DRAM1: variants seen among roughly 807,000 people sequenced by gnomAD.
The protein encoded by DRAM1 is DNA damage-regulated autophagy modulator protein 1.
DRAM1 carries 25 observed loss-of-function variants against 28.5 expected under a neutral mutation model. The ratio of observed to expected loss-of-function variants is 0.88; its 90% CI spans 0.64 to 1.23. The LOEUF is 1.23. DRAM1 is among the 50% of genes most tolerant of loss of function. The probability of loss-of-function intolerance (pLI) is 0.00; values close to 1 mark genes in which losing one functional copy is unlikely to be tolerated. For synonymous variants in DRAM1, 113 were observed against 114.2 expected (o/e 0.99, Z 0.07); for missense variants, 249 against 299.2 (o/e 0.83, Z 1.24).
rs1555284456 is a variant in DRAM1 at position 101,914,485 on chromosome 12, C to CTTCT, written c.579+255_579+256insCTTT. ...AATTTCTTTCTTTCTTCTTCTTCTT[C>CTTCT]TTTTTTTTTTTTTTTGAGACAGAGT... On this transcript the variant is annotated intron_variant, in intron 5 of 6. Transcript: ENST00000258534. Among the ~76,000 whole-genome samples, 7 of 137,456 alleles carry CTTCT rather than the reference C, an allele frequency of 5.1e-5. No homozygotes were observed. In the Admixed American group the frequency reaches 5.1e-4, roughly 10 times the overall value. 90.2% of individuals were successfully genotyped at this position (137,456 alleles called of 152,430 possible).
At chr12:101,891,981 A>G (rs1490814620) in intron 1 of DRAM1, among the ~76,000 whole-genome samples, 4 of 152,236 alleles carry the variant, frequency 2.6e-5, no homozygotes, top group African/African-American at 9.6e-5. Flanking sequence ...GGAATCATTT[A>G]GCTTGAGCTT....
chr12:101,907,199 CAAAA>C (rs397965756), intron 3 of DRAM1, among the ~76,000 whole-genome samples: 3 of 85,136 alleles, frequency 3.5e-5, no homozygotes, highest in East Asian at 3.2e-4. Context: ...GACCCTGTCT[CAAAA>C]AAAAAAAAAA....
At chr12:101,918,677 T>C (rs1874348703) in intron 5 of DRAM1, among the ~76,000 whole-genome samples, 1 of 152,124 alleles carries the variant, frequency 6.6e-6, no homozygotes, top group African/African-American at 2.4e-5. Flanking sequence ...CAGTTTGGGG[T>C]AGAAGAGCAG....
intron 1 of DRAM1, chr12:101,890,198 C>G (rs1337138282): frequency 2.7e-6 from 1 of 366,122 alleles, no homozygotes; most frequent in African/African-American, 2.2e-5. Flanking sequence ...CCTGCCTCAG[C>G]CACCCGAGTA....
chr12:101,903,961 A>ACACC (rs747907224), intron 3 of DRAM1, among the ~76,000 whole-genome samples: 29 of 116,496 alleles, frequency 2.5e-4, no homozygotes, highest in South Asian at 1.7e-3. Flanking sequence ...ACACACACAC[A>ACACC]CCCCTATAAG....
chr12:101,903,955 ACACACACC>A (rs201378098), intron 3 of DRAM1, among the ~76,000 whole-genome samples: 10,239 of 144,120 alleles, frequency 0.071, 832 homozygotes, highest in African/African-American at 0.23. Flanking sequence ...ACACACACAC[ACACACACC>A]CCTATAAGCC....
In DRAM1 at chr12:101,923,156, A is replaced by G. The variant is rs1247860890; in HGVS notation, c.*1896A>G. 1.3e-5 allele frequency: 2 copies of G among 152,162 alleles called. No homozygotes were observed. Among genetic ancestry groups the G allele is most frequent in the African/African-American group, 4.8e-5 (2 of 41,438 alleles). 9.4% of individuals were successfully genotyped at this position (152,162 alleles called of 1,614,324 possible). On this transcript the variant is annotated 3_prime_UTR_variant, in exon 7 of 7. Coordinates refer to ENST00000258534, the MANE Select transcript of DRAM1 (RefSeq NM_018370.3). ...ATCATTTCTGGGTTCACTGCGACTC[A>G]CTGTAGTGCTGGGGATCCCCCTTGT...
intron 3 of DRAM1, among the ~76,000 whole-genome samples, chr12:101,902,217 G>A (rs960463861): frequency 6.6e-6 from 1 of 152,110 alleles, no homozygotes; most frequent in African/African-American, 2.4e-5. Flanking sequence ...ACATGTTTAA[G>A]AAAATATTCC....
At chr12:101,903,277 A>T (rs1204495386) in intron 3 of DRAM1, among the ~76,000 whole-genome samples, 3 of 152,088 alleles carry the variant, frequency 2.0e-5, no homozygotes, top group Admixed American at 6.6e-5. Flanking sequence ...CTTTTTCCCA[A>T]ATGGGTGGGT....
In DRAM1 at chr12:101,906,984, T is replaced by A. The variant is rs562440784; in HGVS notation, c.343-1202T>A. ...GACTGGCACAGGGGCTGCCTTCTGG[T>A]TGAAATGGCTGGTTACAGGATGGCA... is the stretch of plus-strand genomic sequence containing the variant. On this transcript the variant is annotated intron_variant, in intron 3 of 6. Coordinates refer to ENST00000258534, the MANE Select transcript of DRAM1 (RefSeq NM_018370.3). 2.6e-5 allele frequency among the ~76,000 whole-genome samples: 4 copies of A among 151,246 alleles called. No homozygotes were observed. In the East Asian group the frequency reaches 7.8e-4, roughly 29 times the overall value.
chr12:101,915,375 G>A (rs1874198455), intron 5 of DRAM1, among the ~76,000 whole-genome samples: 1 of 152,104 alleles, frequency 6.6e-6, no homozygotes, highest in Admixed American at 6.6e-5. Context: ...AAGGGAGCGT[G>A]GAATGTTAAG....
Position 101,877,608 on chromosome 12 carries a change from A to T in DRAM1, c.-182A>T. 3.0e-6 allele frequency: 1 copy of T among 334,134 alleles called. No individual in the cohort carries two copies. The highest frequency in any genetic ancestry group is 5.2e-5 in the East Asian group (1 of 19,120). 20.7% of individuals were successfully genotyped at this position (334,134 alleles called of 1,614,324 possible). A position where few individuals can be genotyped will look rare whatever the true frequency, so the allele number is the denominator to read the frequency against. On this transcript the variant is annotated 5_prime_UTR_variant, in exon 1 of 7. Coordinates refer to ENST00000258534, the MANE Select transcript of DRAM1 (RefSeq NM_018370.3). This position sits in a 1 kb window ranked among gnomAD's most constrained non-coding sequence, Gnocchi z 4.1. ...CTGGCCCGGCAGCCTCGCCGCCCGC[A>T]GCCTCGCTCCGCTCCTCGCGCTTCC... is the stretch of plus-strand genomic sequence containing the variant.
Position 101,920,207 on chromosome 12 carries a change from T to C in DRAM1, c.672+6T>C, listed in dbSNP as rs200437220. Reference sequence around the variant, plus strand: ...CTTTCATCCAAGATTTCCAGGTAGGTGTTTATCAATTCAAATGTTTTAAAT... The same window carrying C: ...CTTTCATCCAAGATTTCCAGGTAGGCGTTTATCAATTCAAATGTTTTAAAT... On this transcript the variant is annotated splice_donor_region_variant and intron_variant, in intron 6 of 6. Coordinates refer to ENST00000258534, the MANE Select transcript of DRAM1 (RefSeq NM_018370.3). 131 of 1,590,364 alleles carry C rather than the reference T, an allele frequency of 8.2e-5. No individual in the cohort carries two copies. The highest frequency in any genetic ancestry group is 1.1e-4 in the Non-Finnish European group (125 of 1,163,600).
intron 6 of DRAM1, among the ~76,000 whole-genome samples, chr12:101,920,835 C>T (rs568447553): frequency 9.2e-5 from 14 of 152,124 alleles, no homozygotes; most frequent in Middle Eastern, 6.8e-3. Context: ...CACTTGAACC[C>T]GGGAGGCGGA....
At chr12:101,885,982 G>A (rs970946354) in intron 1 of DRAM1, among the ~76,000 whole-genome samples, 1 of 152,178 alleles carries the variant, frequency 6.6e-6, no homozygotes, top group Non-Finnish European at 1.5e-5. Context: ...GTAAATATTG[G>A]TTGAATGTTG....
intron 5 of DRAM1, among the ~76,000 whole-genome samples, chr12:101,915,019 G>A (rs1439785819): frequency 4.3e-4 from 60 of 139,718 alleles, no homozygotes; most frequent in African/African-American, 1.2e-3. Context: ...TCGTTCTGCC[G>A]CCCAGGCTGG....
intron 5 of DRAM1, among the ~76,000 whole-genome samples, chr12:101,919,736 A>C (rs1874403046): frequency 6.6e-6 from 1 of 152,178 alleles, no homozygotes; most frequent in South Asian, 2.1e-4. Flanking sequence ...ATAGCCTTAC[A>C]CTTAGGGATT....
chr12:101,905,757 T>TTTTTTTTA (rs1555283457), intron 3 of DRAM1, among the ~76,000 whole-genome samples: 1 of 147,420 alleles, frequency 6.8e-6, no homozygotes, highest in African/African-American at 2.6e-5. Context: ...GCCCATCTGA[T>TTTTTTTTA]TTTATTTATT....
chr12:101,882,613 A>G (rs747516847), intron 1 of DRAM1, among the ~76,000 whole-genome samples: 5 of 151,308 alleles, frequency 3.3e-5, no homozygotes, highest in African/African-American at 7.2e-5. Context: ...TATGAATAGG[A>G]ATAAATATTC....
Sources: allele counts gnomAD v4.1 joint callset (sites outside exome capture counted in the v4.1 genomes callset), GRCh38; gene constraint gnomAD v4.1.1; non-coding constraint Gnocchi (gnomAD v3.1); transcripts MANE v1.5; gene names NCBI Gene and HGNC (gene_info 2026-07-23, HGNC 2026-07-21).